The following CELF2 variants were observed in gnomAD, a reference collection of about 807,000 sequenced individuals.
CELF2 encodes the protein CUGBP Elav-like family member 2, also known as CUG triplet repeat RNA-binding protein 2.
CELF2 carries 8 observed loss-of-function variants against 62.6 expected under a neutral mutation model. The ratio of observed to expected loss-of-function variants is 0.13; its 90% CI spans 0.07 to 0.23. The LOEUF is 0.23. Among genes scored for constraint, CELF2 ranks in the 10% least tolerant of loss-of-function variants. The pLI is 1.00. For missense variants in CELF2, 333 were observed against 671.0 expected (o/e 0.50, Z 5.56); for synonymous variants, 258 against 250.0 (o/e 1.03, Z -0.30).
chr10:10,619,407 A>G, the CELF2 span, among the ~76,000 whole-genome samples: 1 of 152,196 alleles, frequency 6.6e-6, no homozygotes, highest in Non-Finnish European at 1.5e-5. Flanking sequence ...CTTGAGTCTT[A>G]GTTTAAATGT....
In CELF2 at chr10:11,147,286, C is replaced by G. The variant is rs542469355; in HGVS notation, c.75-18200C>G. 1.3e-4 allele frequency among the ~76,000 whole-genome samples: 20 copies of G among 152,308 alleles called. No individual in the cohort carries two copies. In the East Asian group the frequency reaches 1.3e-3, roughly 10 times the overall value. ...AAAGGAATCATACTTTTCATTTGCT[C>G]TGGCTTTGCCCTCTTGGTGAGAAAT... is the stretch of plus-strand genomic sequence containing the variant. On this transcript the variant is annotated intron_variant, in intron 1 of 12. Coordinates refer to ENST00000633077, the MANE Select transcript of CELF2 (RefSeq NM_001326342.2).
At chr10:11,240,575 C>T (rs1325029272) in intron 3 of CELF2, among the ~76,000 whole-genome samples, 1 of 152,040 alleles carries the variant, frequency 6.6e-6, no homozygotes, top group South Asian at 2.1e-4. Context: ...GGCAAATTAG[C>T]CGGGGCTACA....
At chr10:10,707,678 G>A in the CELF2 span, among the ~76,000 whole-genome samples, 9 of 152,304 alleles carry the variant, frequency 5.9e-5, no homozygotes, top group Middle Eastern at 3.4e-3. Context: ...TGTCCAGGAC[G>A]CTGAAGACAA....
At chr10:11,233,745 C>G (rs2136496394) in intron 3 of CELF2, among the ~76,000 whole-genome samples, 1 of 152,312 alleles carries the variant, frequency 6.6e-6, no homozygotes, top group South Asian at 2.1e-4. Flanking sequence ...TACCGGGATG[C>G]TACCTTAATG....
chr10:10,616,564 T>A, the CELF2 span, among the ~76,000 whole-genome samples: 2 of 151,754 alleles, frequency 1.3e-5, no homozygotes, highest in African/African-American at 4.9e-5. Context: ...GCTGTGTGGG[T>A]CTTGGCATTA....
At chr10:11,078,134 C>T (rs572024585) in intron 1 of CELF2, among the ~76,000 whole-genome samples, 1 of 151,950 alleles carries the variant, frequency 6.6e-6, no homozygotes, top group East Asian at 1.9e-4. Context: ...ATTCCATAGT[C>T]TAATAGATAC....
chr10:11,117,558 G>T lies in CELF2; in HGVS notation c.75-47928G>T, dbSNP rs996133838. On this transcript the variant is annotated intron_variant, in intron 1 of 12. Transcript: ENST00000633077. This position sits in a 1 kb window ranked among gnomAD's most constrained non-coding sequence, Gnocchi z 4.1. The stretch of plus-strand genomic sequence containing the variant: ...AGGTGTTGTTATACAGCCTCTTAGG[G>T]GTTTTTATGTCTGACTCCATAATAT... Among the ~76,000 whole-genome samples the T allele has an allele frequency of 6.6e-6, 1 of 152,042 alleles. No individual in the cohort carries two copies. Among genetic ancestry groups the T allele is most frequent in the Non-Finnish European group, 1.5e-5 (1 of 68,014 alleles).
chr10:10,950,812 G>A (rs543262493), intron 2 of CELF2, among the ~76,000 whole-genome samples: 10 of 152,322 alleles, frequency 6.6e-5, no homozygotes, highest in South Asian at 2.1e-4. Context: ...TATTAAATAC[G>A]CCTCTACTGC....
chr10:11,132,444 T>A (rs2059763466), intron 1 of CELF2, among the ~76,000 whole-genome samples: 1 of 152,136 alleles, frequency 6.6e-6, no homozygotes, highest in African/African-American at 2.4e-5. Flanking sequence ...CTAAATTAGC[T>A]CAAGAGCACA....
intron 1 of CELF2, among the ~76,000 whole-genome samples, chr10:11,105,756 C>T (rs1342917339): frequency 6.6e-6 from 1 of 152,224 alleles, no homozygotes; most frequent in Non-Finnish European, 1.5e-5. Context: ...CACATCTCTG[C>T]TCTGGGATCC....
the CELF2 span, among the ~76,000 whole-genome samples, chr10:10,471,328 G>A: frequency 6.6e-6 from 1 of 151,642 alleles, no homozygotes; most frequent in African/African-American, 2.4e-5. Flanking sequence ...ATCTGTCACT[G>A]AGAGTGGTAT....
chr10:10,888,754 A>G (rs1192709737), intron 1 of CELF2, among the ~76,000 whole-genome samples: 1 of 152,154 alleles, frequency 6.6e-6, no homozygotes, highest in Non-Finnish European at 1.5e-5. Flanking sequence ...GCCCTTCAAG[A>G]CCCAGAACAA....
chr10:10,556,860 G>A, the CELF2 span, among the ~76,000 whole-genome samples: 26 of 148,720 alleles, frequency 1.7e-4, no homozygotes, highest in African/African-American at 4.2e-4. Context: ...CATGTCCTTC[G>A]CCCACTTTTT....
Position 10,836,969 on chromosome 10 carries a change from A to T in CELF2, c.53+38152A>T, listed in dbSNP as rs183766129. 2.0e-4 allele frequency among the ~76,000 whole-genome samples: 30 copies of T among 152,230 alleles called. No homozygotes were observed. In the East Asian group the frequency reaches 5.4e-3, roughly 27 times the overall value. On this transcript the variant is annotated intron_variant, in intron 1 of 13. Transcript: ENST00000636488. ...ATTTTTAACTTGACCATATGAATAC[A>T]TTGGTCTGGTTAAATTGAACTAATC...
intron 1 of CELF2, among the ~76,000 whole-genome samples, chr10:11,058,764 G>A (rs925529501): frequency 2.8e-4 from 42 of 150,824 alleles, no homozygotes; most frequent in Non-Finnish European, 4.8e-4. Context: ...CACCGCGCCC[G>A]GGCTTTTTTG....
At chr10:10,860,211 C>T (rs2133093522) in intron 1 of CELF2, among the ~76,000 whole-genome samples, 1 of 152,262 alleles carries the variant, frequency 6.6e-6, no homozygotes, top group African/African-American at 2.4e-5. Context: ...TGGATCTGTG[C>T]AATATCTCAC....
chr10:10,556,399 A>G, the CELF2 span, among the ~76,000 whole-genome samples: 22 of 152,238 alleles, frequency 1.4e-4, no homozygotes, highest in Admixed American at 6.5e-4. Context: ...TCCATGGTGT[A>G]TATGTGCCAC....
intron 1 of CELF2, among the ~76,000 whole-genome samples, chr10:10,802,022 C>A (rs2054712546): frequency 6.6e-6 from 1 of 152,144 alleles, no homozygotes; most frequent in African/African-American, 2.4e-5. Context: ...CTAATTTTCA[C>A]CAAAAGACAT....
chr10:10,977,210 A>C (rs1362797327), intron 2 of CELF2, among the ~76,000 whole-genome samples: 1 of 152,192 alleles, frequency 6.6e-6, no homozygotes, highest in African/African-American at 2.4e-5. Context: ...GTTTTGGAAA[A>C]GTGAGGGGAA....
Sources: gnomAD v4.1 joint callset for allele counts (sites outside exome capture counted in the v4.1 genomes callset) on GRCh38, gnomAD v4.1.1 for gene constraint, Gnocchi (gnomAD v3.1) non-coding constraint, MANE v1.5 for transcripts, NCBI Gene and HGNC (gene_info 2026-07-23, HGNC 2026-07-21) for gene names.